Variants in LIMA1 observed in about 807,000 individuals in gnomAD.
LIMA1 encodes LIM domain and actin-binding protein 1.
Under a neutral mutation model 62.6 loss-of-function variants are expected in LIMA1, and 52 were observed. That is an observed-to-expected ratio of 0.83 (90% CI 0.67 to 1.05). The LOEUF (loss-of-function observed/expected upper bound fraction) is 1.05, where lower values mean the gene tolerates loss of function less well. Among genes scored for constraint, LIMA1 ranks in the 50% least tolerant of loss-of-function variants. The pLI is 0.00. For missense variants in LIMA1, 780 were observed against 902.2 expected (o/e 0.86, Z 1.74); for synonymous variants, 302 against 317.8 (o/e 0.95, Z 0.53).
At chr12:50,239,137 C>T (rs148926784) in intron 2 of LIMA1, among the ~76,000 whole-genome samples, 5 of 151,928 alleles carry the variant, frequency 3.3e-5, no homozygotes, top group Admixed American at 2.0e-4. Flanking sequence ...ATCTGCTCTC[C>T]GATGCTTACA....
At chr12:50,191,979 A>T (rs1940784632) in intron 9 of LIMA1, among the ~76,000 whole-genome samples, 1 of 150,514 alleles carries the variant, frequency 6.6e-6, no homozygotes, top group African/African-American at 2.5e-5. Flanking sequence ...CAAAAAATAC[A>T]AAAAAATTAG....
chr12:50,192,999 TGTGTGC>T (rs112450798), intron 8 of LIMA1, among the ~76,000 whole-genome samples: 243 of 106,762 alleles, frequency 2.3e-3, no homozygotes, highest in East Asian at 6.2e-3. Context: ...TGTGTGTGTG[TGTGTGC>T]GCGCGTGCGC....
rs955758611 is a variant in LIMA1, at chr12:50,178,580, C to T, written c.1275-511G>A. On this transcript the variant is annotated intron_variant, in intron 10 of 10. Coordinates refer to ENST00000341247, the MANE Select transcript of LIMA1 (RefSeq NM_016357.5). ...ACCAACAGTAATAGAAACTTTAAATCATTCTGAGCCTTGAGAGGAATGTGG... is the reference window on the plus strand; with the variant it reads ...ACCAACAGTAATAGAAACTTTAAATTATTCTGAGCCTTGAGAGGAATGTGG... Among the ~76,000 whole-genome samples, 3 of 150,774 alleles carry T rather than the reference C, an allele frequency of 2.0e-5. No individual in the cohort carries two copies. The East Asian group carries it at 5.8e-4, about 29-fold the overall frequency.
At chr12:50,184,239 G>C (rs1000456777) in intron 9 of LIMA1, among the ~76,000 whole-genome samples, 1 of 152,182 alleles carries the variant, frequency 6.6e-6, no homozygotes, top group African/African-American at 2.4e-5. Context: ...ACACATTATC[G>C]TATTTGGAGT....
At chr12:50,207,519 A>C (rs1194902930) in intron 4 of LIMA1, among the ~76,000 whole-genome samples, 1 of 152,174 alleles carries the variant, frequency 6.6e-6, no homozygotes, top group Non-Finnish European at 1.5e-5. Flanking sequence ...AACACTTAGC[A>C]CCCTTTTGAA....
chr12:50,234,663 A>G (rs970201979), intron 2 of LIMA1, among the ~76,000 whole-genome samples: 19 of 152,108 alleles, frequency 1.2e-4, no homozygotes, highest in Non-Finnish European at 1.8e-4. Context: ...CTCTGCCTAA[A>G]GGTAGAATTT....
At chr12:50,264,888 C>T (rs1942119553) in intron 1 of LIMA1, among the ~76,000 whole-genome samples, 1 of 152,168 alleles carries the variant, frequency 6.6e-6, no homozygotes, top group Non-Finnish European at 1.5e-5. Flanking sequence ...CACAGTGGCT[C>T]ACACCTGTAA....
Position 50,181,753 on chromosome 12 carries a change from G to C in LIMA1, c.1274+151C>G, listed in dbSNP as rs116682371. ...AACACCATCATTATTTGGTATGAAA[G>C]ACTTGTCACTAAATGATGCTTTTTA... On this transcript the variant is annotated intron_variant, in intron 10 of 10. Transcript: ENST00000341247. 1.1e-4 allele frequency: 88 copies of C among 765,636 alleles called. No individual in the cohort carries two copies. The African/African-American group carries it at 1.4e-3, about 12-fold the overall frequency. 47.4% of individuals were successfully genotyped at this position (765,636 alleles called of 1,614,324 possible). A position where few individuals can be genotyped will look rare whatever the true frequency, so the allele number is the denominator to read the frequency against.
chr12:50,223,790 C>T (rs1370965328), intron 3 of LIMA1, among the ~76,000 whole-genome samples: 1 of 152,154 alleles, frequency 6.6e-6, no homozygotes. Context: ...GTAATCCCAG[C>T]ACTTTGGGAG....
chr12:50,177,385 C>T lies in LIMA1; in HGVS notation c.1959G>A (p.Trp653Ter), dbSNP rs752897285. 7 of 1,614,026 alleles carry T rather than the reference C, an allele frequency of 4.3e-6. No individual in the cohort carries two copies. The African/African-American group carries it at 9.3e-5, about 22-fold the overall frequency. The stretch of plus-strand genomic sequence containing the variant: ...TCTCTCCTTTAGATTCTTTGTTTTG[C>T]CAGGTTGTTTTTCCCACATTCCCAT... ...KKNGNVGKTTWQNKESKGETG... is the reference protein window; with the variant it reads ...KKNGNVGKTT Residue 653 changes from tryptophan (W) to a stop codon, truncating the protein, a stop_gained, in exon 11 of 11, where the codon TGG (tryptophan) becomes TGA (stop). Coordinates refer to ENST00000341247, the MANE Select transcript of LIMA1 (RefSeq NM_016357.5). LOFTEE classifies it low-confidence loss of function (END_TRUNC).
rs759577216 is a variant in LIMA1, at chr12:50,222,305, C to T, written c.346G>A (p.Ala116Thr). The T allele has an allele frequency of 2.5e-6, 4 of 1,614,122 alleles. No homozygotes were observed. Among genetic ancestry groups the T allele is most frequent in the Non-Finnish European group, 3.4e-6 (4 of 1,180,030 alleles). The stretch of plus-strand genomic sequence containing the variant: ...ATTTGTTCTTCTTGGTCAGCTTTGG[C>T]TCCAGAAGCAGCGTGGCTTGTCACT... ...AEVTSHAASG[A>T]KADQEEQIHP... Residue 116 changes from alanine (A) to threonine (T), a missense_variant, in exon 4 of 11, where the codon GCC (alanine) becomes ACC (threonine). Physicochemically the swap from Ala to Thr is moderately conservative, Grantham distance 58 (BLOSUM62 0). Coordinates refer to ENST00000341247, the MANE Select transcript of LIMA1 (RefSeq NM_016357.5).
At chr12:50,182,173 C>T (rs1940519824) in intron 9 of LIMA1, 136 bp from the exon 10 acceptor site, 2 of 861,364 alleles carry the variant, frequency 2.3e-6, no homozygotes, top group Admixed American at 2.5e-5. Context: ...AAACCTGCTA[C>T]AATTCTATCA....
intron 6 of LIMA1, 82 bp from the exon 7 acceptor site, chr12:50,200,966 T>C: frequency 6.5e-7 from 1 of 1,540,626 alleles, no homozygotes; most frequent in East Asian, 2.3e-5. Context: ...TAGATAAACT[T>C]GGAATGTTAA....
chr12:50,217,674 G>T, intron 4 of LIMA1: 1 of 223,500 alleles, frequency 4.5e-6, no homozygotes. Context: ...TTGATTTCTG[G>T]CGGTCGTGGG....
intron 9 of LIMA1, among the ~76,000 whole-genome samples, chr12:50,191,522 T>C (rs1940771224): frequency 6.7e-6 from 1 of 149,898 alleles, no homozygotes; most frequent in Non-Finnish European, 1.5e-5. Flanking sequence ...CAAGACCCTG[T>C]CTCAAAAAAA....
chr12:50,177,709 C>G lies in LIMA1; in HGVS notation c.1635G>C (p.Leu545Phe), dbSNP rs1487733202. ...PTELGSSGSA[L>F]EEGIKMSKPK... ...GCTTTGACATTTTGATCCCTTCCTC[C>G]AAGGCACTTCCTGAACTTCCAAGTT... The change falls in exon 11 of 11, where the codon TTG (leucine) becomes TTC (phenylalanine). Residue 545 changes from leucine to phenylalanine, a missense_variant. Leu to Phe is a conservative substitution (Grantham distance 22). Transcript: ENST00000341247. The G allele has an allele frequency of 2.0e-5, 32 of 1,612,662 alleles. No homozygotes were observed. The highest frequency in any genetic ancestry group is 2.4e-5 in the Non-Finnish European group (28 of 1,179,480).
intron 1 of LIMA1, among the ~76,000 whole-genome samples, chr12:50,273,443 T>C (rs1942239648): frequency 6.6e-6 from 1 of 152,172 alleles, no homozygotes; most frequent in South Asian, 2.1e-4. Flanking sequence ...AAACAGGTAT[T>C]GATTCACACA....
chr12:50,280,449 C>T (rs997712169), intron 1 of LIMA1, among the ~76,000 whole-genome samples: 5 of 152,046 alleles, frequency 3.3e-5, no homozygotes, highest in Admixed American at 2.0e-4. Flanking sequence ...TGAGCCACCG[C>T]GCCCGGCCCA....
At chr12:50,210,418 CAAAAAAAA>C (rs769288381) in intron 4 of LIMA1, among the ~76,000 whole-genome samples, 11 of 90,858 alleles carry the variant, frequency 1.2e-4, no homozygotes, top group South Asian at 7.2e-4. Flanking sequence ...ACCCCATTTC[CAAAAAAAA>C]AAAAAAAAAG....
Sources: allele counts gnomAD v4.1 joint callset (sites outside exome capture counted in the v4.1 genomes callset), GRCh38; gene constraint gnomAD v4.1.1; transcripts MANE v1.5; gene names NCBI Gene and HGNC (gene_info 2026-07-23, HGNC 2026-07-21).